UNC5B: variants seen among roughly 807,000 people sequenced by gnomAD.
UNC5B encodes the protein netrin receptor UNC5B.
A neutral mutation model predicts 103.7 loss-of-function variants in UNC5B; 56 were observed. The ratio of observed to expected loss-of-function variants is 0.54; its 90% CI spans 0.44 to 0.67. The LOEUF (loss-of-function observed/expected upper bound fraction) is 0.67. Among genes scored for constraint, UNC5B ranks in the 30% least tolerant of loss-of-function variants. The pLI is 0.00. For synonymous variants in UNC5B, 577 were observed against 542.0 expected, an observed-to-expected ratio of 1.06 and a Z score of -0.90; for missense variants, 1,194 against 1,284.5, an observed-to-expected ratio of 0.93 and a Z score of 1.08.
At chr10:71,295,747 G>A (rs1845391231) in intron 13 of UNC5B, 64 bp from the exon 14 acceptor site, 2 of 1,573,356 alleles carry the variant, frequency 1.3e-6, no homozygotes, top group Non-Finnish European at 1.7e-6. Flanking sequence ...CCCGCACAGT[G>A]CCACAGAAGA....
chr10:71,271,685 C>T lies in UNC5B; in HGVS notation c.80-8136C>T, dbSNP rs148456110. Reference sequence around the variant, plus strand: ...CAGCACTGCACCTGCCCTGGGGCCTCGACCCCAGCCTCCCATCCACTTCTT... The same window carrying T: ...CAGCACTGCACCTGCCCTGGGGCCTTGACCCCAGCCTCCCATCCACTTCTT... On this transcript the variant is annotated intron_variant, in intron 1 of 16. Coordinates refer to ENST00000335350, the MANE Select transcript of UNC5B (RefSeq NM_170744.5). 2.6e-3 allele frequency among the ~76,000 whole-genome samples: 402 copies of T among 152,318 alleles called. 2 individuals carry two copies. The highest frequency in any genetic ancestry group is 9.2e-3 in the African/African-American group (382 of 41,576).
In UNC5B at chr10:71,288,638, C is replaced by A. The variant is rs531057554; in HGVS notation, c.972C>A (p.Arg324=). 6.2e-7 allele frequency: 1 copy of A among 1,613,962 alleles called. No homozygotes were observed. Among genetic ancestry groups the A allele is most frequent in the Non-Finnish European group, 8.5e-7 (1 of 1,180,034 alleles). ...CTGAGTGTGCCCACTGGCGTAGCCG[C>A]GAGTGCATGGCGCCCCCACCCCAGA... The part of the protein sequence containing the change: ...CSTECAHWRS[R]ECMAPPPQNG... Residue 324 remains arginine, a synonymous_variant, in exon 7 of 17, where the codon CGC becomes CGA. Coordinates refer to ENST00000335350, the MANE Select transcript of UNC5B (RefSeq NM_170744.5).
chr10:71,220,737 C>T (rs1233341009), intron 1 of UNC5B, among the ~76,000 whole-genome samples: 1 of 152,190 alleles, frequency 6.6e-6, no homozygotes, highest in Non-Finnish European at 1.5e-5. Flanking sequence ...TCACTCAGGG[C>T]CTGTTGGCAT....
intron 1 of UNC5B, among the ~76,000 whole-genome samples, chr10:71,227,703 C>CATATATATACACATAT (rs1382854607): frequency 9.0e-6 from 1 of 111,468 alleles, no homozygotes; most frequent in Admixed American, 9.3e-5. Context: ...TATATACACA[C>CATATATATACACATAT]ATATACACAC....
At chr10:71,240,510 G>A (rs1174564949) in intron 1 of UNC5B, among the ~76,000 whole-genome samples, 1 of 152,240 alleles carries the variant, frequency 6.6e-6, no homozygotes, top group Non-Finnish European at 1.5e-5. Context: ...GTGGACACGG[G>A]TGATGAGGCC....
chr10:71,280,203 C>T (rs1442079347), intron 2 of UNC5B, among the ~76,000 whole-genome samples, 158 bp downstream of exon 2: 1 of 152,224 alleles, frequency 6.6e-6, no homozygotes, highest in African/African-American at 2.4e-5. Flanking sequence ...GGACCATCTC[C>T]ACTGCATTGG....
intron 10 of UNC5B, among the ~76,000 whole-genome samples, chr10:71,292,169 A>G (rs1289704301): frequency 6.6e-6 from 1 of 152,192 alleles, no homozygotes; most frequent in East Asian, 1.9e-4. Flanking sequence ...TTTAGTTTGC[A>G]AAGCCAGCAA....
At chr10:71,283,712 G>A (rs1328044529) in intron 2 of UNC5B, among the ~76,000 whole-genome samples, 1 of 152,172 alleles carries the variant, frequency 6.6e-6, no homozygotes, top group East Asian at 1.9e-4. Flanking sequence ...CCCCTTTCCT[G>A]AGCATGGAGG....
chr10:71,288,093 A>C (rs1845140205), intron 6 of UNC5B, among the ~76,000 whole-genome samples: 2 of 152,192 alleles, frequency 1.3e-5, no homozygotes, highest in Admixed American at 6.5e-5. Flanking sequence ...CCCCGGCCTC[A>C]GGGACAGCCT....
At chr10:71,281,600 A>G (rs1844930423) in intron 2 of UNC5B, among the ~76,000 whole-genome samples, 1 of 152,250 alleles carries the variant, frequency 6.6e-6, no homozygotes, top group Non-Finnish European at 1.5e-5. Flanking sequence ...TTGGCCTCCC[A>G]AAGTGCTGGG....
chr10:71,281,109 CCTT>C (rs571524048), intron 2 of UNC5B, among the ~76,000 whole-genome samples: 66 of 152,128 alleles, frequency 4.3e-4, no homozygotes, highest in Non-Finnish European at 8.4e-4. Flanking sequence ...GTCTCACTGT[CCTT>C]CTTTCCCCCT....
intron 2 of UNC5B, among the ~76,000 whole-genome samples, chr10:71,284,328 C>T (rs1027836141): frequency 1.2e-4 from 18 of 152,230 alleles, no homozygotes; most frequent in South Asian, 4.2e-4. Flanking sequence ...GGAAGACACC[C>T]GGTGAGGCTG....
chr10:71,234,289 T>A (rs1415290998), intron 1 of UNC5B, among the ~76,000 whole-genome samples: 3 of 152,206 alleles, frequency 2.0e-5, no homozygotes, highest in African/African-American at 7.2e-5. Flanking sequence ...GGGCTTTTGC[T>A]GGGGCCCTCA....
chr10:71,291,927 C>G, intron 10 of UNC5B, 106 bp downstream of exon 10: 1 of 1,413,580 alleles, frequency 7.1e-7, no homozygotes, highest in Non-Finnish European at 9.3e-7. Context: ...TCCCATCTCA[C>G]AGATGGGGAA....
rs1388535929 is a variant in UNC5B at position 71,288,641 on chromosome 10, G to A, written c.975G>A (p.Glu325=). The A allele has an allele frequency of 1.9e-6, 3 of 1,613,864 alleles. No individual in the cohort carries two copies. The highest frequency in any genetic ancestry group is 1.7e-5 in the Admixed American group (1 of 60,010). The change falls in exon 7 of 17, where the codon GAG becomes GAA. Residue 325 remains glutamate, a synonymous_variant. Coordinates refer to ENST00000335350, the MANE Select transcript of UNC5B (RefSeq NM_170744.5). ...AGTGTGCCCACTGGCGTAGCCGCGA[G>A]TGCATGGCGCCCCCACCCCAGAACG... is the stretch of plus-strand genomic sequence containing the variant. The part of the protein sequence containing the change: ...STECAHWRSR[E]CMAPPPQNGG...
chr10:71,228,834 A>G (rs555456494), intron 1 of UNC5B, among the ~76,000 whole-genome samples: 2 of 152,274 alleles, frequency 1.3e-5, no homozygotes, highest in African/African-American at 4.8e-5. Flanking sequence ...AGGTCTTAGC[A>G]GAAGAGCAAA....
chr10:71,246,656 G>A (rs1317311405), intron 1 of UNC5B, among the ~76,000 whole-genome samples: 1 of 152,126 alleles, frequency 6.6e-6, no homozygotes, highest in Non-Finnish European at 1.5e-5. Flanking sequence ...GGAAGGAAAG[G>A]AGGAAGGATG....
intron 1 of UNC5B, among the ~76,000 whole-genome samples, chr10:71,244,064 T>A (rs1046325073): frequency 1.3e-5 from 2 of 152,214 alleles, no homozygotes; most frequent in African/African-American, 4.8e-5. Flanking sequence ...GTCTCTCCAT[T>A]TATTTAGCCA....
intron 1 of UNC5B, among the ~76,000 whole-genome samples, chr10:71,219,428 A>G (rs1490949414): frequency 6.6e-6 from 1 of 152,208 alleles, no homozygotes. Flanking sequence ...GGCAGAAAGC[A>G]TCCAGCACGG....
Sources: gnomAD v4.1 joint callset for allele counts (sites outside exome capture counted in the v4.1 genomes callset) on GRCh38, gnomAD v4.1.1 for gene constraint, MANE v1.5 for transcripts, NCBI Gene and HGNC (gene_info 2026-07-23, HGNC 2026-07-21) for gene names.